The following TXN2 variants were observed in gnomAD, a reference collection of about 807,000 sequenced individuals.
TXN2 encodes the protein thioredoxin 2, also known as thioredoxin, mitochondrial.
Under a neutral mutation model 14.6 loss-of-function variants are expected in TXN2, and 12 were observed. That is an observed-to-expected ratio of 0.82 (90% confidence interval 0.53 to 1.33). TXN2 has a LOEUF of 1.33. Ranked by LOEUF, TXN2 falls within the 40% of genes most tolerant of loss-of-function variation. The probability of loss-of-function intolerance (pLI) is 0.00; values close to 1 mark genes in which losing one functional copy is unlikely to be tolerated. For synonymous variants in TXN2, 89 were observed against 81.0 expected (o/e 1.10, Z -0.53); for missense variants, 173 against 207.7 (o/e 0.83, Z 1.03).
At chr22:36,469,051 T>TA (rs958578965) in intron 3 of TXN2, among the ~76,000 whole-genome samples, 2 of 144,454 alleles carry the variant, frequency 1.4e-5, no homozygotes, top group Admixed American at 6.7e-5. Flanking sequence ...CATAAATAAA[T>TA]AAATAAATAA....
chr22:36,476,733 C>T lies in TXN2; in HGVS notation c.387G>A (p.Glu129=). ...DDHTDLAIEY[E]VSAVPTVLAM... is the part of the protein sequence containing the mutation. ...GTGGCAACTCCCTGTCAATCCATACCTCATACTCAATGGCGAGGTCTGTGT... is the reference window on the plus strand; with the variant it reads ...GTGGCAACTCCCTGTCAATCCATACTTCATACTCAATGGCGAGGTCTGTGT... Residue 129 remains glutamate (E), a splice_region_variant and synonymous_variant, in exon 3 of 4, where the codon GAG becomes GAA. Coordinates refer to ENST00000216185, the MANE Select transcript of TXN2 (RefSeq NM_012473.4). The T allele has an allele frequency of 6.2e-7, 1 of 1,614,172 alleles. No individual in the cohort carries two copies. The highest frequency in any genetic ancestry group is 1.1e-5 in the South Asian group (1 of 91,080).
chr22:36,479,638 C>T (rs1190474887), intron 2 of TXN2, among the ~76,000 whole-genome samples: 1 of 151,978 alleles, frequency 6.6e-6, no homozygotes, highest in African/African-American at 2.4e-5. Context: ...GACCTGAAGG[C>T]CCCTGAATTT....
At chr22:36,477,477 G>C (rs1028842029) in intron 2 of TXN2, among the ~76,000 whole-genome samples, 1 of 152,144 alleles carries the variant, frequency 6.6e-6, no homozygotes, top group African/African-American at 2.4e-5. Context: ...CAAAGTGCTG[G>C]GATTACAGGC....
At chr22:36,475,952 C>G (rs930797245) in intron 3 of TXN2, among the ~76,000 whole-genome samples, 10 of 152,302 alleles carry the variant, frequency 6.6e-5, no homozygotes, top group African/African-American at 1.9e-4. Flanking sequence ...CCAGCTCCCC[C>G]ACAAGCAAAC....
chr22:36,467,994 G>T, intron 3 of TXN2, 77 bp from the exon 4 acceptor site: 1 of 1,322,454 alleles, frequency 7.6e-7, no homozygotes, highest in Non-Finnish European at 1.1e-6. Context: ...GCCTTTGTGG[G>T]GAAGGCTGGT....
intron 3 of TXN2, 112 bp downstream of exon 3, chr22:36,476,621 C>T (rs1933391466): frequency 7.6e-6 from 11 of 1,441,778 alleles, no homozygotes; most frequent in East Asian, 7.1e-5. Context: ...AAAACCAAGA[C>T]ACCTTGCTTA....
At chr22:36,473,777 AG>A (rs1389134431) in intron 3 of TXN2, among the ~76,000 whole-genome samples, 1 of 152,160 alleles carries the variant, frequency 6.6e-6, no homozygotes, top group African/African-American at 2.4e-5. Context: ...AGGATTCCAC[AG>A]GAGGCATCTC....
At chr22:36,471,049 C>T (rs13058477) in intron 3 of TXN2, among the ~76,000 whole-genome samples, 14,829 of 152,196 alleles carry the variant, frequency 0.097, 776 homozygotes, top group South Asian at 0.17. Context: ...GGACTTCCCT[C>T]GACCCTGAGG....
At chr22:36,468,530 C>T in intron 3 of TXN2, 1 of 327,624 alleles carries the variant, frequency 3.1e-6, no homozygotes, top group Non-Finnish European at 6.1e-6. Flanking sequence ...TCCAGACCAG[C>T]TTGGGCAATA....
At chr22:36,471,923 T>C (rs752117160) in intron 3 of TXN2, among the ~76,000 whole-genome samples, 1 of 150,584 alleles carries the variant, frequency 6.6e-6, no homozygotes, top group Admixed American at 6.6e-5. Context: ...TGAGCCGAGA[T>C]TGCGCCACTT....
chr22:36,474,191 G>A (rs79851584), intron 3 of TXN2, among the ~76,000 whole-genome samples: 3 of 152,168 alleles, frequency 2.0e-5, no homozygotes, highest in Admixed American at 2.0e-4. Context: ...TTTTGAAAAA[G>A]TGACTCACCC....
At chr22:36,479,975 T>C (rs1386405357) in intron 2 of TXN2, among the ~76,000 whole-genome samples, 3 of 151,404 alleles carry the variant, frequency 2.0e-5, no homozygotes, top group Admixed American at 6.6e-5. Context: ...ACACTACCTC[T>C]TAGGTTCAAG....
At chr22:36,471,190 A>T (rs1933267085) in intron 3 of TXN2, among the ~76,000 whole-genome samples, 1 of 152,300 alleles carries the variant, frequency 6.6e-6, no homozygotes, top group African/African-American at 2.4e-5. Flanking sequence ...AGTGTGAAAG[A>T]GGCAGTGACT....
At chr22:36,471,753 G>C (rs1196566864) in intron 3 of TXN2, among the ~76,000 whole-genome samples, 1 of 152,158 alleles carries the variant, frequency 6.6e-6, no homozygotes, top group African/African-American at 2.4e-5. Flanking sequence ...TGAATCATCT[G>C]AGGTCAGGAA....
Position 36,478,173 on chromosome 22 carries a change from AC to A in TXN2, c.264-1318del, listed in dbSNP as rs761001156. 6.4e-4 allele frequency among the ~76,000 whole-genome samples: 94 copies of A among 147,566 alleles called. 1 individual carries two copies. Among genetic ancestry groups the A allele is most frequent in the Non-Finnish European group, 1.2e-3 (82 of 67,176 alleles). ...AAAAAAAGAGAAAGTGTTTTATTTC[AC>A]CCACAGGCTACTCTGATCCCACAGC... On this transcript the variant is annotated intron_variant, in intron 2 of 3. Transcript: ENST00000216185.
intron 2 of TXN2, among the ~76,000 whole-genome samples, chr22:36,478,623 G>A (rs796277699): frequency 5.3e-5 from 8 of 152,216 alleles, no homozygotes; most frequent in African/African-American, 1.7e-4. Flanking sequence ...CTGAGTAGCA[G>A]GTGTGGTGGT....
rs540513233 is a variant in TXN2, at chr22:36,471,399, T to G, written c.388-3482A>C. 2.5e-4 allele frequency among the ~76,000 whole-genome samples: 38 copies of G among 152,264 alleles called. 1 individual carries two copies. Among genetic ancestry groups the G allele is most frequent in the Admixed American group, 1.9e-3 (29 of 15,292 alleles). ...CCACTGAGCTCCGTGTCCTGGTATG[T>G]CTTCTCCTGTCCCACCCCGATGGCA... On this transcript the variant is annotated intron_variant, in intron 3 of 3. Transcript: ENST00000216185.
chr22:36,479,082 G>A (rs372689613), intron 2 of TXN2, among the ~76,000 whole-genome samples: 10 of 152,252 alleles, frequency 6.6e-5, no homozygotes, highest in East Asian at 5.8e-4. Flanking sequence ...AGCCGTGATC[G>A]CACCACTGCA....
intron 1 of TXN2, 160 bp downstream of exon 1, chr22:36,481,404 A>T (rs1933499878): frequency 5.9e-6 from 1 of 170,934 alleles, no homozygotes; most frequent in Non-Finnish European, 1.3e-5. Context: ...AAGAAGGGAC[A>T]TGTGTGGAGG....
Sources: allele counts gnomAD v4.1 joint callset (sites outside exome capture counted in the v4.1 genomes callset), GRCh38; gene constraint gnomAD v4.1.1; transcripts MANE v1.5; gene names NCBI Gene and HGNC (gene_info 2026-07-23, HGNC 2026-07-21).